The following SLC5A1 variants were observed in gnomAD, a reference collection of about 807,000 sequenced individuals.
SLC5A1 encodes the protein sodium/glucose cotransporter 1.
SLC5A1 carries 42 observed loss-of-function variants against 73.5 expected under a neutral mutation model. The observed-to-expected ratio is 0.57, with a 90% CI of 0.45 to 0.74. The LOEUF is 0.74. Ranked by LOEUF, SLC5A1 falls within the 30% of genes least tolerant of loss-of-function variation. The pLI, the probability that SLC5A1 is intolerant of heterozygous loss-of-function variation, is 0.00. For synonymous variants in SLC5A1, 300 were observed against 317.4 expected, an observed-to-expected ratio of 0.95 and a Z score of 0.58; for missense variants, 634 against 855.4, an observed-to-expected ratio of 0.74 and a Z score of 3.23.
At chr22:32,072,326 G>A (rs2093984030) in intron 5 of SLC5A1, among the ~76,000 whole-genome samples, 1 of 152,108 alleles carries the variant, frequency 6.6e-6, no homozygotes, top group Non-Finnish European at 1.5e-5. Flanking sequence ...TTGGTTTTCT[G>A]TTCCTGCATT....
intron 1 of SLC5A1, among the ~76,000 whole-genome samples, chr22:32,045,865 C>G (rs915171626): frequency 2.6e-5 from 4 of 152,138 alleles, no homozygotes; most frequent in African/African-American, 9.7e-5. Flanking sequence ...AACTATGGAC[C>G]ATGGGCCAAA....
intron 5 of SLC5A1, among the ~76,000 whole-genome samples, chr22:32,068,905 C>T (rs2093978499): frequency 6.6e-6 from 1 of 152,094 alleles, no homozygotes. Context: ...AGCAATCTCA[C>T]TACTGGGTAT....
At chr22:32,048,208 C>A (rs909864773) in intron 1 of SLC5A1, among the ~76,000 whole-genome samples, 3 of 149,718 alleles carry the variant, frequency 2.0e-5, no homozygotes, top group Non-Finnish European at 4.4e-5. Context: ...CTATCAGCTA[C>A]TAACATTATT....
At chr22:32,085,597 G>T (rs1262081678) in intron 9 of SLC5A1, among the ~76,000 whole-genome samples, 1 of 143,902 alleles carries the variant, frequency 6.9e-6, no homozygotes, top group African/African-American at 2.6e-5. Context: ...CATGCCTCCA[G>T]GTCACTTCTC....
intron 8 of SLC5A1, 67 bp downstream of exon 8, chr22:32,084,726 C>G: frequency 6.5e-7 from 1 of 1,536,694 alleles, no homozygotes; most frequent in East Asian, 2.3e-5. Flanking sequence ...TCCTGTCTGT[C>G]TGTGGTTTGC....
chr22:32,079,475 T>G (rs145940967), intron 5 of SLC5A1, among the ~76,000 whole-genome samples: 1 of 152,366 alleles, frequency 6.6e-6, no homozygotes, highest in East Asian at 1.9e-4. Context: ...AGAGGTCATT[T>G]ATAGCATTAT....
chr22:32,058,155 T>C (rs890974175), intron 2 of SLC5A1, among the ~76,000 whole-genome samples: 10 of 152,084 alleles, frequency 6.6e-5, no homozygotes, highest in African/African-American at 9.7e-5. Flanking sequence ...TTGGGGCTCA[T>C]AGGGTATATA....
chr22:32,075,096 G>C (rs1313046136), intron 5 of SLC5A1, among the ~76,000 whole-genome samples: 1 of 121,388 alleles, frequency 8.2e-6, no homozygotes, highest in South Asian at 2.7e-4. Context: ...TTTTTTTTTA[G>C]AGATAGGGTC....
At chr22:32,063,567 A>G (rs749690357) in intron 2 of SLC5A1, among the ~76,000 whole-genome samples, 2 of 152,202 alleles carry the variant, frequency 1.3e-5, no homozygotes, top group African/African-American at 2.4e-5. Context: ...GCTGTCAGGA[A>G]GACCACCTGA....
intron 2 of SLC5A1, among the ~76,000 whole-genome samples, chr22:32,054,277 C>T (rs2093948748): frequency 6.6e-6 from 1 of 152,236 alleles, no homozygotes; most frequent in African/African-American, 2.4e-5. Flanking sequence ...CATTCCACAA[C>T]TGCATGTTGA....
chr22:32,109,664 A>G (rs1431992768), intron 14 of SLC5A1, among the ~76,000 whole-genome samples: 1 of 152,194 alleles, frequency 6.6e-6, no homozygotes, highest in Non-Finnish European at 1.5e-5. Flanking sequence ...CCAGCCTATT[A>G]TTAATGTGTC....
intron 10 of SLC5A1, among the ~76,000 whole-genome samples, chr22:32,089,217 A>G (rs1386742603): frequency 1.3e-5 from 2 of 152,226 alleles, no homozygotes; most frequent in Non-Finnish European, 2.9e-5. Flanking sequence ...ATTGGACTTG[A>G]TGATCTTTAT....
intron 13 of SLC5A1, among the ~76,000 whole-genome samples, chr22:32,103,578 A>C (rs1002701505): frequency 4.6e-5 from 7 of 152,222 alleles, no homozygotes; most frequent in Non-Finnish European, 1.0e-4. Context: ...GTACAGGGCT[A>C]CCTGGCTTAG....
chr22:32,084,849 G>A (rs778048044), intron 8 of SLC5A1, 51 bp from the exon 9 acceptor site: 3 of 1,612,190 alleles, frequency 1.9e-6, no homozygotes, highest in Non-Finnish European at 1.7e-6. Context: ...GTACAAAGGT[G>A]TCACAGGGTC....
intron 3 of SLC5A1, 63 bp downstream of exon 3, chr22:32,067,102 A>C: frequency 7.7e-7 from 1 of 1,306,052 alleles, no homozygotes; most frequent in Non-Finnish European, 1.1e-6. Flanking sequence ...CAACCAGTTC[A>C]ATCTATGCTC....
At chr22:32,095,090 A>C (rs892139096) in intron 11 of SLC5A1, among the ~76,000 whole-genome samples, 1 of 152,206 alleles carries the variant, frequency 6.6e-6, no homozygotes, top group African/African-American at 2.4e-5. Flanking sequence ...TCTTGATTTC[A>C]TTGTTGACCC....
chr22:32,048,798 C>T (rs1000575150), intron 1 of SLC5A1, among the ~76,000 whole-genome samples: 4 of 152,074 alleles, frequency 2.6e-5, no homozygotes, highest in Admixed American at 6.5e-5. Flanking sequence ...TGGCTGGGTG[C>T]GGTGGCTCAC....
intron 10 of SLC5A1, among the ~76,000 whole-genome samples, chr22:32,091,305 ACAC>A (rs2094017006): frequency 3.0e-5 from 2 of 65,938 alleles, no homozygotes; most frequent in Non-Finnish European, 7.4e-5. Context: ...ACAAACACAC[ACAC>A]ACACACACAC....
intron 11 of SLC5A1, among the ~76,000 whole-genome samples, chr22:32,097,018 G>A (rs1310464228): frequency 6.6e-6 from 1 of 152,234 alleles, no homozygotes; most frequent in African/African-American, 2.4e-5. Flanking sequence ...CCTTAGAAAG[G>A]CACTTACTGA....
Sources: allele counts gnomAD v4.1 joint callset (sites outside exome capture counted in the v4.1 genomes callset), GRCh38; gene constraint gnomAD v4.1.1; transcripts MANE v1.5; gene names NCBI Gene and HGNC (gene_info 2026-07-23, HGNC 2026-07-21).